Variants in DCC observed in about 807,000 individuals in gnomAD.
DCC encodes the protein netrin receptor DCC.
In DCC, 58 loss-of-function variants were observed where a neutral mutation model predicts 172.5. The observed-to-expected ratio is 0.34, with a 90% CI of 0.27 to 0.42. The LOEUF is 0.42. Ranked by LOEUF, DCC falls within the 10% of genes least tolerant of loss-of-function variation. The pLI, the probability that DCC is intolerant of heterozygous loss-of-function variation, is 1.00. For synonymous variants in DCC, 709 were observed against 644.5 expected (o/e 1.10, Z -1.52); for missense variants, 1,740 against 1,791.0 (o/e 0.97, Z 0.51).
intron 1 of DCC, among the ~76,000 whole-genome samples, chr18:52,414,378 C>A (rs1393971331): frequency 6.6e-6 from 1 of 152,182 alleles, no homozygotes; most frequent in African/African-American, 2.4e-5. Flanking sequence ...GGAAATGAGA[C>A]TTTAATATGA....
chr18:53,124,820 G>T (rs969782596), intron 7 of DCC, among the ~76,000 whole-genome samples: 2 of 151,910 alleles, frequency 1.3e-5, no homozygotes, highest in African/African-American at 4.8e-5. Flanking sequence ...ACAAAAATTA[G>T]CCAGGTGTGT....
intron 2 of DCC, among the ~76,000 whole-genome samples, chr18:52,880,607 G>C (rs1034793963): frequency 6.6e-6 from 1 of 152,136 alleles, no homozygotes; most frequent in Admixed American, 6.5e-5. Flanking sequence ...TTTAGAATAT[G>C]TGAAGTTTGT....
At chr18:52,646,820 A>T (rs1440204967) in intron 1 of DCC, among the ~76,000 whole-genome samples, 1 of 152,136 alleles carries the variant, frequency 6.6e-6, no homozygotes, top group African/African-American at 2.4e-5. Flanking sequence ...TTCAAAAGTA[A>T]CTAAAGAGCT....
intron 1 of DCC, among the ~76,000 whole-genome samples, chr18:52,486,150 T>G (rs770579550): frequency 6.6e-6 from 1 of 152,102 alleles, no homozygotes; most frequent in Non-Finnish European, 1.5e-5. Context: ...TCGCCTTATT[T>G]TTCAAGATTA....
At chr18:52,821,195 C>A (rs2038400239) in intron 2 of DCC, among the ~76,000 whole-genome samples, 1 of 152,136 alleles carries the variant, frequency 6.6e-6, no homozygotes, top group Non-Finnish European at 1.5e-5. Flanking sequence ...AACCTACTAT[C>A]CTATCTGCAT....
In DCC at chr18:53,315,664, A is replaced by G. The variant is rs954303231; in HGVS notation, c.2054-6383A>G. On this transcript the variant is annotated intron_variant, in intron 13 of 28. Transcript: ENST00000442544. ...TTTAATGATCACCATTCTAACTGACATGAGATGGTATCTCATTGTGGTTTT... is the reference window on the plus strand; with the variant it reads ...TTTAATGATCACCATTCTAACTGACGTGAGATGGTATCTCATTGTGGTTTT... Among the ~76,000 whole-genome samples the G allele has an allele frequency of 3.3e-5, 5 of 152,040 alleles. No individual in the cohort carries two copies. In the East Asian group the frequency reaches 7.7e-4, roughly 23 times the overall value.
chr18:52,369,609 C>T (rs1985028714), intron 1 of DCC, among the ~76,000 whole-genome samples: 1 of 151,836 alleles, frequency 6.6e-6, no homozygotes, highest in Non-Finnish European at 1.5e-5. Flanking sequence ...CTTTCTCTCT[C>T]TGCCTCTCTG....
chr18:52,360,650 T>G (rs17669445), intron 1 of DCC, among the ~76,000 whole-genome samples: 7,854 of 152,290 alleles, frequency 0.052, 267 homozygotes, highest in Non-Finnish European at 0.079. Flanking sequence ...AACCCAATTT[T>G]CTCTTAAAGA....
chr18:52,550,631 G>A (rs1261290388), intron 1 of DCC, among the ~76,000 whole-genome samples: 1 of 152,024 alleles, frequency 6.6e-6, no homozygotes, highest in African/African-American at 2.4e-5. Flanking sequence ...AATACAACAA[G>A]AGGAAGATAT....
At chr18:53,206,414 C>T (rs1475382073) in intron 10 of DCC, among the ~76,000 whole-genome samples, 1 of 55,688 alleles carries the variant, frequency 1.8e-5, no homozygotes, top group Non-Finnish European at 3.0e-5. Flanking sequence ...TGTATTGTAA[C>T]ACATATATGT....
At chr18:53,243,408 T>C (rs1343807339) in intron 12 of DCC, among the ~76,000 whole-genome samples, 1 of 152,104 alleles carries the variant, frequency 6.6e-6, no homozygotes, top group Non-Finnish European at 1.5e-5. Context: ...GTTTTAAGGA[T>C]CTCCTTGTGC....
chr18:52,840,922 AT>A (rs2038794143), intron 2 of DCC, among the ~76,000 whole-genome samples: 3 of 151,814 alleles, frequency 2.0e-5, no homozygotes, highest in East Asian at 1.9e-4. Flanking sequence ...ACAGGGAAAC[AT>A]AAATAAACCT....
intron 12 of DCC, among the ~76,000 whole-genome samples, chr18:53,280,989 A>G (rs17411339): frequency 0.3 from 45,673 of 150,754 alleles, 8,817 homozygotes; most frequent in Non-Finnish European, 0.44. Context: ...AGTCTTCTCT[A>G]TGAATAACTT....
chr18:53,001,688 CCTTT>C (rs1568237548), intron 5 of DCC, among the ~76,000 whole-genome samples: 1 of 151,852 alleles, frequency 6.6e-6, no homozygotes, highest in Admixed American at 6.6e-5. Flanking sequence ...TTCTTTATTG[CCTTT>C]CTTTTTTCCC....
At chr18:53,233,678 A>T (rs1472711357) in intron 12 of DCC, among the ~76,000 whole-genome samples, 1 of 152,218 alleles carries the variant, frequency 6.6e-6, no homozygotes. Flanking sequence ...TTTGTGAATA[A>T]TTCACCAAGC....
At chr18:53,311,160 T>C (rs753489155) in intron 13 of DCC, among the ~76,000 whole-genome samples, 15 of 151,890 alleles carry the variant, frequency 9.9e-5, no homozygotes, top group Non-Finnish European at 2.2e-4. Flanking sequence ...TCACTCTTAT[T>C]GCCCAGACTG....
intron 1 of DCC, among the ~76,000 whole-genome samples, chr18:52,562,087 A>G (rs1568230318): frequency 6.6e-6 from 1 of 152,180 alleles, no homozygotes; most frequent in African/African-American, 2.4e-5. Context: ...GGAAATAAAA[A>G]CAATCTAGTT....
intron 2 of DCC, among the ~76,000 whole-genome samples, chr18:52,777,505 C>A (rs2037456039): frequency 1.3e-5 from 2 of 152,128 alleles, no homozygotes; most frequent in African/African-American, 4.8e-5. Context: ...ACCATGATAG[C>A]CCAGAATGAT....
intron 5 of DCC, among the ~76,000 whole-genome samples, chr18:52,952,763 A>G (rs113115615): frequency 6.6e-6 from 1 of 152,100 alleles, no homozygotes; most frequent in African/African-American, 2.4e-5. Context: ...GCTTTGGGAG[A>G]TCGAAGTGGG....
Sources: allele counts gnomAD v4.1 joint callset (sites outside exome capture counted in the v4.1 genomes callset), GRCh38; gene constraint gnomAD v4.1.1; transcripts MANE v1.5; gene names NCBI Gene and HGNC (gene_info 2026-07-23, HGNC 2026-07-21).